Variants in CSNK2A2IP observed in about 807,000 individuals in gnomAD.
CSNK2A2IP encodes casein kinase II subunit alpha'-interacting protein.
chr3:88,413,744 T>TA, the CSNK2A2IP span, among the ~76,000 whole-genome samples: 9 of 151,870 alleles, frequency 5.9e-5, no homozygotes, highest in East Asian at 1.9e-4. Flanking sequence ...TTTTTCAAAA[T>TA]AAAAAAACAT....
chr3:88,441,998 A>T, the CSNK2A2IP span, among the ~76,000 whole-genome samples: 2 of 152,064 alleles, frequency 1.3e-5, no homozygotes, highest in African/African-American at 4.8e-5. Context: ...TTTTAAAAAA[A>T]TTTTATAGTT....
chr3:88,457,626 G>A, the CSNK2A2IP span, among the ~76,000 whole-genome samples: 3 of 151,648 alleles, frequency 2.0e-5, no homozygotes, highest in Admixed American at 1.3e-4. Context: ...GAACTGGGAG[G>A]CAGAGGTTGC....
the CSNK2A2IP span, among the ~76,000 whole-genome samples, chr3:88,445,397 C>T: frequency 3.1e-4 from 46 of 150,476 alleles, no homozygotes; most frequent in African/African-American, 1.1e-3. Context: ...GAGCCAAGAT[C>T]AAATCACTGC....
At chr3:88,399,320 A>G in the CSNK2A2IP span, among the ~76,000 whole-genome samples, 5 of 152,222 alleles carry the variant, frequency 3.3e-5, no homozygotes, top group Non-Finnish European at 7.3e-5. Context: ...CATTTAAAAA[A>G]TACATCATCT....
chr3:88,357,162 GT>G, the CSNK2A2IP span, among the ~76,000 whole-genome samples: 2 of 151,980 alleles, frequency 1.3e-5, no homozygotes, highest in Non-Finnish European at 2.9e-5. Flanking sequence ...TGTTTTTGAG[GT>G]TTTAAGAGAA....
chr3:88,397,263 G>A, the CSNK2A2IP span, among the ~76,000 whole-genome samples: 30 of 152,262 alleles, frequency 2.0e-4, no homozygotes, highest in African/African-American at 5.3e-4. Flanking sequence ...TCAGCTAGAA[G>A]TATGTCAAGA....
the CSNK2A2IP span, among the ~76,000 whole-genome samples, chr3:88,417,576 G>T: frequency 2.6e-5 from 4 of 152,154 alleles, no homozygotes; most frequent in Admixed American, 1.3e-4. Flanking sequence ...TTCAAAGATG[G>T]TGAGTTCCCA....
the CSNK2A2IP span, among the ~76,000 whole-genome samples, chr3:88,419,586 C>T: frequency 2.0e-3 from 304 of 152,100 alleles, 1 homozygote; most frequent in Admixed American, 3.5e-3. Context: ...TGTTTCTTTA[C>T]GGCAGAATGG....
At chr3:88,376,301 G>A in the CSNK2A2IP span, among the ~76,000 whole-genome samples, 12 of 151,114 alleles carry the variant, frequency 7.9e-5, no homozygotes, top group African/African-American at 1.2e-4. Flanking sequence ...ATTTATTTCC[G>A]TATAGTCAGC....
chr3:88,451,002 C>A, the CSNK2A2IP span, among the ~76,000 whole-genome samples: 1 of 152,074 alleles, frequency 6.6e-6, no homozygotes, highest in Admixed American at 6.6e-5. Flanking sequence ...CCCAGCTTTG[C>A]CAACATTTGT....
chr3:88,358,963 A>AT, the CSNK2A2IP span, among the ~76,000 whole-genome samples: 3,094 of 139,062 alleles, frequency 0.022, 72 homozygotes, highest in African/African-American at 0.065. Flanking sequence ...CGGCTCCTGG[A>AT]TTTTTTTTTT....
the CSNK2A2IP span, among the ~76,000 whole-genome samples, chr3:88,438,876 G>C: frequency 6.6e-6 from 1 of 152,044 alleles, no homozygotes; most frequent in South Asian, 2.1e-4. Context: ...GGTGGGGAAA[G>C]ATACCACATT....
chr3:88,363,540 C>T, the CSNK2A2IP span, among the ~76,000 whole-genome samples: 102 of 152,046 alleles, frequency 6.7e-4, no homozygotes, highest in Non-Finnish European at 1.2e-3. Flanking sequence ...TCTCTTCTTG[C>T]TTGGTATCTT....
chr3:88,407,761 C>T, the CSNK2A2IP span, among the ~76,000 whole-genome samples: 5 of 151,856 alleles, frequency 3.3e-5, no homozygotes, highest in African/African-American at 1.2e-4. Context: ...TCTTGCTCAG[C>T]CACCCAGGGT....
the CSNK2A2IP span, among the ~76,000 whole-genome samples, chr3:88,461,501 C>A: frequency 1.6e-4 from 25 of 151,978 alleles, no homozygotes; most frequent in African/African-American, 5.8e-4. Flanking sequence ...TGCAGTGAGC[C>A]GAGATCAAGC....
the CSNK2A2IP span, among the ~76,000 whole-genome samples, chr3:88,461,350 G>C: frequency 6.6e-6 from 1 of 151,892 alleles, no homozygotes; most frequent in East Asian, 1.9e-4. Context: ...TCAGGAGATC[G>C]AGACCATTCT....
At chr3:88,352,765 G>C in the CSNK2A2IP span, among the ~76,000 whole-genome samples, 1 of 151,934 alleles carries the variant, frequency 6.6e-6, no homozygotes, top group Non-Finnish European at 1.5e-5. Flanking sequence ...TTTTAAAAAT[G>C]AAGAAATAGT....
At chr3:88,453,537 T>C in the CSNK2A2IP span, among the ~76,000 whole-genome samples, 12,093 of 152,174 alleles carry the variant, frequency 0.079, 840 homozygotes, top group East Asian at 0.21. Context: ...TGTATTTTTA[T>C]TGTATGGGTT....
chr3:88,391,744 A>G, the CSNK2A2IP span, among the ~76,000 whole-genome samples: 1 of 152,206 alleles, frequency 6.6e-6, no homozygotes, highest in African/African-American at 2.4e-5. Flanking sequence ...GTAAAGGGGA[A>G]CTAACTGCAT....
Sources: allele counts gnomAD v4.1 joint callset (sites outside exome capture counted in the v4.1 genomes callset), GRCh38; gene constraint gnomAD v4.1.1; transcripts MANE v1.5; gene names NCBI Gene and HGNC (gene_info 2026-07-23, HGNC 2026-07-21).